ZHX3: variants seen among roughly 807,000 people sequenced by gnomAD.
ZHX3 encodes the protein zinc fingers and homeoboxes 3.
ZHX3 carries 20 observed loss-of-function variants against 64.5 expected under a neutral mutation model. That is an observed-to-expected ratio of 0.31 (90% CI 0.22 to 0.45). The LOEUF is 0.45. Among genes scored for constraint, ZHX3 ranks in the 20% least tolerant of loss-of-function variants. The pLI is 1.00. For synonymous variants in ZHX3, 423 were observed against 461.6 expected, an observed-to-expected ratio of 0.92 and a Z score of 1.07; for missense variants, 1,041 against 1,195.8, an observed-to-expected ratio of 0.87 and a Z score of 1.91.
intron 2 of ZHX3, among the ~76,000 whole-genome samples, chr20:41,230,194 T>G (rs760972709): frequency 6.8e-6 from 1 of 147,158 alleles, no homozygotes; most frequent in Non-Finnish European, 1.5e-5. Flanking sequence ...TATTCTTAGA[T>G]TTTTTTTTTT....
At chr20:41,207,418 C>A (rs1420677133) in intron 2 of ZHX3, among the ~76,000 whole-genome samples, 3 of 152,162 alleles carry the variant, frequency 2.0e-5, no homozygotes, top group Non-Finnish European at 4.4e-5. Context: ...AGCACACTTA[C>A]TCCAAAATTG....
chr20:41,201,262 A>C lies in ZHX3; in HGVS notation c.2860+795T>G. ...ACCCCCAATCCCTTCAGCTTCTACA[A>C]TACTCCGCCCTCCTGGCTCTCACCT... On this transcript the variant is annotated intron_variant, in intron 3 of 3. Coordinates refer to ENST00000683867, the MANE Select transcript of ZHX3 (RefSeq NM_001384317.1). The surrounding 1 kb of genome is among the most constrained non-coding windows in gnomAD (Gnocchi z 5.0). The C allele has an allele frequency of 5.4e-4, 699 of 1,284,714 alleles. No homozygotes were observed. The highest frequency in any genetic ancestry group is 6.6e-4 in the Non-Finnish European group (650 of 980,000). The allele number at this position is 1,284,714 out of a possible 1,614,324, so 79.6% of individuals were successfully genotyped here. A position where few individuals can be genotyped will look rare whatever the true frequency, so the allele number is the denominator to read the frequency against.
intron 1 of ZHX3, among the ~76,000 whole-genome samples, chr20:41,305,935 A>G (rs2044966719): frequency 6.6e-6 from 1 of 152,092 alleles, no homozygotes; most frequent in Admixed American, 6.5e-5. Context: ...TATTGTTCTG[A>G]TTTTTGTACT....
intron 1 of ZHX3, among the ~76,000 whole-genome samples, chr20:41,282,349 G>C: frequency 8.0e-6 from 1 of 124,802 alleles, no homozygotes. Flanking sequence ...AGGTCCATTA[G>C]ACACAATTCA....
At chr20:41,305,279 G>C (rs998680563) in intron 1 of ZHX3, among the ~76,000 whole-genome samples, 3 of 152,176 alleles carry the variant, frequency 2.0e-5, no homozygotes, top group African/African-American at 7.2e-5. Flanking sequence ...CAGCACTTTG[G>C]GAAGCCAATG....
chr20:41,289,067 C>G (rs1335775240), intron 1 of ZHX3, among the ~76,000 whole-genome samples: 1 of 152,164 alleles, frequency 6.6e-6, no homozygotes, highest in Admixed American at 6.5e-5. Context: ...ATGGCTTCCA[C>G]GGCAACCTCA....
chr20:41,316,021 A>C (rs540558662), intron 1 of ZHX3, among the ~76,000 whole-genome samples: 46 of 152,046 alleles, frequency 3.0e-4, no homozygotes, highest in Middle Eastern at 6.8e-3. Context: ...GAAAAAAAAA[A>C]AAACAAACTC....
Position 41,212,420 on chromosome 20 carries a change from T to C in ZHX3, c.-150-7354A>G, listed in dbSNP as rs955876484. Among the ~76,000 whole-genome samples, 6 of 152,198 alleles carry C rather than the reference T, an allele frequency of 3.9e-5. No individual in the cohort carries two copies. The highest frequency in any genetic ancestry group is 1.2e-4 in the African/African-American group (5 of 41,444). On this transcript the variant is annotated intron_variant, in intron 2 of 3. Transcript: ENST00000683867. The surrounding 1 kb of genome is among the most constrained non-coding windows in gnomAD (Gnocchi z 4.3). Reference sequence around the variant, plus strand: ...ATGCAGAGAAACTGGAGCCCTCACGTATTGCTGATGAAAATGTAAAATGGT... The same window carrying C: ...ATGCAGAGAAACTGGAGCCCTCACGCATTGCTGATGAAAATGTAAAATGGT...
In ZHX3 at chr20:41,201,353, A is replaced by C. The variant is rs2038201259; in HGVS notation, c.2860+704T>G. 1 of 1,304,774 alleles carries C rather than the reference A, an allele frequency of 7.7e-7. No homozygotes were observed. The highest frequency in any genetic ancestry group is 1.0e-6 in the Non-Finnish European group (1 of 989,070). 80.8% of individuals were successfully genotyped at this position (1,304,774 alleles called of 1,614,324 possible). Reference sequence around the variant, plus strand: ...ACAAATGTCAAAGGGTAAGGAGGGAAGGGAGAGGCTGGGAACTCAGTGACC... The same window carrying C: ...ACAAATGTCAAAGGGTAAGGAGGGACGGGAGAGGCTGGGAACTCAGTGACC... On this transcript the variant is annotated intron_variant, in intron 3 of 3. Transcript: ENST00000683867. The surrounding 1 kb of genome is among the most constrained non-coding windows in gnomAD (Gnocchi z 5.0).
intron 3 of ZHX3, among the ~76,000 whole-genome samples, chr20:41,198,385 A>G (rs926920408): frequency 2.6e-5 from 4 of 152,120 alleles, no homozygotes; most frequent in Admixed American, 1.3e-4. Context: ...GGGCATGTCT[A>G]CTAATAATGA....
At position 41,202,753 on chromosome 20, in the gene ZHX3, C is replaced by T. The variant is rs1025033989; in HGVS notation, c.2164G>A (p.Val722Ile). The T allele has an allele frequency of 4.3e-6, 7 of 1,613,980 alleles. No individual in the cohort carries two copies. The highest frequency in any genetic ancestry group is 1.3e-5 in the African/African-American group (1 of 74,902). ...PSSHILAERK[V>I]SPIKINLKNL... ...TTCAGGTTGATTTTAATGGGGCTGA[C>T]TTTGCGCTCTGCCAAGATATGGCTG... Residue 722 changes from valine (V) to isoleucine (I), a missense_variant, in exon 3 of 4, where the codon GTC (valine) becomes ATC (isoleucine). Val to Ile is a conservative substitution (Grantham distance 29). This residue lies in a region of ZHX3 where 649 missense variants were observed against 739.8 expected (regional missense o/e 0.88). Coordinates refer to ENST00000683867, the MANE Select transcript of ZHX3 (RefSeq NM_001384317.1). This position sits in a 1 kb window ranked among gnomAD's most constrained non-coding sequence, Gnocchi z 7.0.
rs566547911 is a variant in ZHX3, at chr20:41,209,023, C to A, written c.-150-3957G>T. 3.9e-5 allele frequency among the ~76,000 whole-genome samples: 6 copies of A among 152,296 alleles called. No individual in the cohort carries two copies. The South Asian group carries it at 1.0e-3, about 26-fold the overall frequency. On this transcript the variant is annotated intron_variant, in intron 2 of 3. Coordinates refer to ENST00000683867, the MANE Select transcript of ZHX3 (RefSeq NM_001384317.1). Reference sequence around the variant, plus strand: ...GGATACAAAATCAATGTGCAAAAATCACAAGCATTCCAATACACCAATAAC... The same window carrying A: ...GGATACAAAATCAATGTGCAAAAATAACAAGCATTCCAATACACCAATAAC...
chr20:41,303,675 A>G (rs2044891743), intron 1 of ZHX3, among the ~76,000 whole-genome samples: 1 of 152,122 alleles, frequency 6.6e-6, no homozygotes, highest in African/African-American at 2.4e-5. Flanking sequence ...TCTCCTGTGC[A>G]TGCCCCTCCA....
At chr20:41,220,662 G>GTT (rs200361266) in intron 2 of ZHX3, among the ~76,000 whole-genome samples, 4 of 151,444 alleles carry the variant, frequency 2.6e-5, no homozygotes, top group South Asian at 4.2e-4. Context: ...ATATGATACA[G>GTT]TTTTTTTTGG....
intron 2 of ZHX3, among the ~76,000 whole-genome samples, chr20:41,212,000 T>C (rs74568468): frequency 1.3e-5 from 2 of 152,152 alleles, no homozygotes; most frequent in Admixed American, 1.3e-4. Flanking sequence ...AGACATCAAG[T>C]AGAATATCTG....
chr20:41,199,522 A>G (rs1056007544), intron 3 of ZHX3, among the ~76,000 whole-genome samples: 9 of 151,984 alleles, frequency 5.9e-5, no homozygotes, highest in African/African-American at 1.7e-4. Flanking sequence ...CAGTGACCTA[A>G]GATTTCCTTA....
At chr20:41,216,633 G>T (rs2039555468) in intron 2 of ZHX3, among the ~76,000 whole-genome samples, 1 of 152,130 alleles carries the variant, frequency 6.6e-6, no homozygotes. Context: ...CCTGATAAGA[G>T]ACATTTGCAT....
rs1275861126 is a variant in ZHX3, at chr20:41,200,344, A to G, written c.2860+1713T>C. On this transcript the variant is annotated intron_variant, in intron 3 of 3. Transcript: ENST00000683867. The surrounding 1 kb of genome is among the most constrained non-coding windows in gnomAD (Gnocchi z 4.2). Reference sequence around the variant, plus strand: ...TCAAACATCCTCATCTCTCTTGAGCATGACACCCTGGCCTACTGGTATATT... The same window carrying G: ...TCAAACATCCTCATCTCTCTTGAGCGTGACACCCTGGCCTACTGGTATATT... Among the ~76,000 whole-genome samples, 1 of 152,190 alleles carries G rather than the reference A, an allele frequency of 6.6e-6. No individual in the cohort carries two copies. The highest frequency in any genetic ancestry group is 1.5e-5 in the Non-Finnish European group (1 of 68,038).
In ZHX3 at chr20:41,201,031, AAC is replaced by A. The variant is rs1448966219; in HGVS notation, c.2860+1024_2860+1025del. ...GTTGGCTATTGTATGGAAACAATGC[AAC>A]ACCATCCAGGAAATTCTGTGGGATT... On this transcript the variant is annotated intron_variant, in intron 3 of 3. Coordinates refer to ENST00000683867, the MANE Select transcript of ZHX3 (RefSeq NM_001384317.1). The surrounding 1 kb of genome is among the most constrained non-coding windows in gnomAD (Gnocchi z 5.0). Among the ~76,000 whole-genome samples the A allele has an allele frequency of 2.0e-5, 3 of 152,356 alleles. No homozygotes were observed. The East Asian group carries it at 5.8e-4, about 29-fold the overall frequency.
Sources: allele counts gnomAD v4.1 joint callset (sites outside exome capture counted in the v4.1 genomes callset), GRCh38; gene constraint gnomAD v4.1.1; regional missense constraint gnomAD v4.1.1; non-coding constraint Gnocchi (gnomAD v3.1); transcripts MANE v1.5; gene names NCBI Gene and HGNC (gene_info 2026-07-23, HGNC 2026-07-21).